ZNF845: variants seen among roughly 807,000 people sequenced by gnomAD.
The protein encoded by ZNF845 is zinc finger protein 845.
In ZNF845, 59 loss-of-function variants were observed where a neutral mutation model predicts 76.1. The ratio of observed to expected loss-of-function variants is 0.78; its 90% confidence interval spans 0.63 to 0.96. ZNF845 has a LOEUF of 0.96. ZNF845 is among the 40% of genes least tolerant of loss of function. The pLI, the probability that ZNF845 is intolerant of heterozygous loss-of-function variation, is 0.00. For synonymous variants in ZNF845, 361 were observed against 386.9 expected (o/e 0.93, Z 0.78); for missense variants, 1,045 against 1,172.8 (o/e 0.89, Z 1.59).
intron 2 of ZNF845, among the ~76,000 whole-genome samples, chr19:53,344,604 ATTTATTTTATTTTAT>A (rs61048596): frequency 6.3e-5 from 8 of 126,908 alleles, no homozygotes; most frequent in East Asian, 4.6e-4. Flanking sequence ...ATTTTATTTT[ATTTATTTTATTTTAT>A]TTTATTTTAT....
At position 53,352,734 on chromosome 19, in the gene ZNF845, G is replaced by A; in HGVS notation, c.2059G>A (p.Gly687Arg). ...YLTCHRRLHT[G>R]EKPYKCNECG... ...TACATGCCATCGTAGACTTCATACTGGAGAGAAACCTTACAAGTGTAATGA... is the reference window on the plus strand; with the variant it reads ...TACATGCCATCGTAGACTTCATACTAGAGAGAAACCTTACAAGTGTAATGA... The change falls in exon 4 of 4, where the codon GGA (glycine) becomes AGA (arginine). Residue 687 changes from glycine to arginine, a missense_variant. Physicochemically the swap from Gly to Arg is moderately radical, Grantham distance 125 (BLOSUM62 -2). Coordinates refer to ENST00000458035, the MANE Select transcript of ZNF845 (RefSeq NM_138374.3). The A allele has an allele frequency of 6.2e-7, 1 of 1,614,144 alleles. No individual in the cohort carries two copies. Among genetic ancestry groups the A allele is most frequent in the Non-Finnish European group, 8.5e-7 (1 of 1,180,016 alleles).
Position 53,351,791 on chromosome 19 carries a change from A to G in ZNF845, c.1116A>G (p.Arg372=). The G allele has an allele frequency of 2.5e-6, 4 of 1,613,770 alleles. No individual in the cohort carries two copies. Among genetic ancestry groups the G allele is most frequent in the Non-Finnish European group, 3.4e-6 (4 of 1,179,936 alleles). ...TCAGTTTCAAATCAAACCTTGAAAG[A>G]CATAGGAAAATTCATACTGGAGAGA... ...KAFSFKSNLE[R]HRKIHTGEKP... Residue 372 remains arginine (R), a synonymous_variant, in exon 4 of 4, where the codon AGA becomes AGG. Coordinates refer to ENST00000458035, the MANE Select transcript of ZNF845 (RefSeq NM_138374.3).
Position 53,353,640 on chromosome 19 carries a change from CAGG to C in ZNF845, c.*55_*57del, listed in dbSNP as rs2085363073. 1.3e-6 allele frequency: 2 copies of C among 1,523,818 alleles called. No individual in the cohort carries two copies. The highest frequency in any genetic ancestry group is 8.8e-7 in the Non-Finnish European group (1 of 1,137,308). 94.4% of individuals were successfully genotyped at this position (1,523,818 alleles called of 1,614,324 possible). On this transcript the variant is annotated 3_prime_UTR_variant, in exon 4 of 4. Coordinates refer to ENST00000458035, the MANE Select transcript of ZNF845 (RefSeq NM_138374.3). Reference sequence around the variant, plus strand: ...CAGTTGTAAATCAAGTCTTGAAAGACAGGAGAATTCATACTGGAGAGAAAGCTT... The same window carrying C: ...CAGTTGTAAATCAAGTCTTGAAAGACAGAATTCATACTGGAGAGAAAGCTT...
intron 2 of ZNF845, among the ~76,000 whole-genome samples, chr19:53,342,991 G>A (rs1044652133): frequency 6.6e-6 from 1 of 152,042 alleles, no homozygotes; most frequent in East Asian, 1.9e-4. Context: ...GCTAGTTTTT[G>A]TATTCTTACT....
Position 53,354,128 on chromosome 19 carries a change from C to T in ZNF845, c.*540C>T, listed in dbSNP as rs2085367090. On this transcript the variant is annotated 3_prime_UTR_variant, in exon 4 of 4. Transcript: ENST00000458035. ...GCAAAGCCTTTACTTCACGTTCACA[C>T]CTAATTAGACATCAGAGAATCCATA... 3 of 617,080 alleles carry T rather than the reference C, an allele frequency of 4.9e-6. No homozygotes were observed. The highest frequency in any genetic ancestry group is 2.8e-5 in the South Asian group (2 of 71,140). 38.2% of individuals were successfully genotyped at this position (617,080 alleles called of 1,614,324 possible).
chr19:53,345,161 C>T (rs960835418), intron 2 of ZNF845, among the ~76,000 whole-genome samples: 1 of 151,950 alleles, frequency 6.6e-6, no homozygotes, highest in Admixed American at 6.6e-5. Flanking sequence ...ACTAAAAATA[C>T]AAAAATTAGC....
chr19:53,348,233 A>T (rs2085309987), intron 3 of ZNF845, among the ~76,000 whole-genome samples: 1 of 152,092 alleles, frequency 6.6e-6, no homozygotes, highest in African/African-American at 2.4e-5. Context: ...ATGCCACTAC[A>T]CTACAGCCTG....
In ZNF845 at chr19:53,352,955, A is replaced by G. The variant is rs2085353816; in HGVS notation, c.2280A>G (p.Ser760=). Residue 760 remains serine, a synonymous_variant, in exon 4 of 4, where the codon TCA becomes TCG. Coordinates refer to ENST00000458035, the MANE Select transcript of ZNF845 (RefSeq NM_138374.3). Reference sequence around the variant, plus strand: ...GTGACAAAGTTTTCAGTCGCAAATCAAGCCTTGAAAAACACAGGAGAATTC... The same window carrying G: ...GTGACAAAGTTTTCAGTCGCAAATCGAGCCTTGAAAAACACAGGAGAATTC... The part of the protein sequence containing the change: ...EECDKVFSRK[S]SLEKHRRIHT... The G allele has an allele frequency of 1.9e-6, 3 of 1,614,056 alleles. No homozygotes were observed. Among genetic ancestry groups the G allele is most frequent in the Non-Finnish European group, 2.5e-6 (3 of 1,180,016 alleles).
At chr19:53,348,847 A>ATTT (rs565694028) in intron 3 of ZNF845, among the ~76,000 whole-genome samples, 990 of 96,636 alleles carry the variant, frequency 0.01, 1 homozygote, top group East Asian at 0.016. Context: ...TTGTTAGTCA[A>ATTT]TTTTTTTTTT....
chr19:53,336,726 A>G (rs2085218008), intron 1 of ZNF845, among the ~76,000 whole-genome samples: 1 of 142,828 alleles, frequency 7.0e-6, no homozygotes, highest in Admixed American at 7.5e-5. Context: ...TGAAAGATGC[A>G]TTTGCAGCAT....
intron 3 of ZNF845, chr19:53,346,275 C>T: frequency 3.1e-6 from 1 of 318,072 alleles, no homozygotes; most frequent in Middle Eastern, 4.3e-4. Flanking sequence ...TTTGTGTAGA[C>T]ATGCTTTGAC....
At chr19:53,349,735 C>T (rs767824433) in intron 3 of ZNF845, among the ~76,000 whole-genome samples, 25 of 152,132 alleles carry the variant, frequency 1.6e-4, no homozygotes, top group Non-Finnish European at 3.4e-4. Context: ...ACAGTCCACT[C>T]GTTAATGTCA....
chr19:53,351,446 T>G lies in ZNF845; in HGVS notation c.771T>G (p.Tyr257Ter), dbSNP rs1423854543. The change falls in exon 4 of 4, where the codon TAT becomes TAG. Residue 257 changes from tyrosine (Y) to a stop codon, truncating the protein, a stop_gained. Transcript: ENST00000458035. LOFTEE classifies it high-confidence loss of function. The stretch of plus-strand genomic sequence containing the variant: ...GCAAGGTCTTTAATCAAAAGCGATA[T>G]CTTGCATGTCATCGTAGATGTCACA... Reference protein sequence around the residue: ...VCGKVFNQKRYLACHRRCHTG... With the variant: ...VCGKVFNQKR The G allele has an allele frequency of 1.2e-6, 2 of 1,614,080 alleles. No individual in the cohort carries two copies. The highest frequency in any genetic ancestry group is 8.5e-7 in the Non-Finnish European group (1 of 1,180,036).
At chr19:53,346,002 C>T (rs1371902645) in intron 3 of ZNF845, among the ~76,000 whole-genome samples, 1 of 151,952 alleles carries the variant, frequency 6.6e-6, no homozygotes, top group Non-Finnish European at 1.5e-5. Context: ...AACCCCCATA[C>T]CTAATTATTG....
rs1215279341 is a variant in ZNF845, at chr19:53,355,225, A to G, written c.*1637A>G. ...CCGCACCCAGCCAGTGATTTTCTAT[A>G]TAGAATGTCGTATCATCTACAAGGA... On this transcript the variant is annotated 3_prime_UTR_variant, in exon 4 of 4. Coordinates refer to ENST00000458035, the MANE Select transcript of ZNF845 (RefSeq NM_138374.3). 3.3e-5 allele frequency: 5 copies of G among 151,674 alleles called. No homozygotes were observed. The highest frequency in any genetic ancestry group is 3.3e-4 in the Admixed American group (5 of 15,206). 9.4% of individuals were successfully genotyped at this position (151,674 alleles called of 1,614,324 possible). A position where few individuals can be genotyped will look rare whatever the true frequency, so the allele number is the denominator to read the frequency against.
intron 1 of ZNF845, among the ~76,000 whole-genome samples, chr19:53,335,838 A>G (rs1411917742): frequency 1.3e-5 from 2 of 151,874 alleles, no homozygotes; most frequent in African/African-American, 4.8e-5. Flanking sequence ...CCAACCTCAG[A>G]TGATCCACCC....
rs1292568444 is a variant in ZNF845, at chr19:53,355,979, A to AG, written c.*2392dup. 6.6e-6 allele frequency: 1 copy of AG among 152,200 alleles called. No individual in the cohort carries two copies. The highest frequency in any genetic ancestry group is 1.5e-5 in the Non-Finnish European group (1 of 68,028). The allele number at this position is 152,200 out of a possible 1,614,324, so 9.4% of individuals were successfully genotyped here. On this transcript the variant is annotated 3_prime_UTR_variant, in exon 4 of 4. Transcript: ENST00000458035. ...CCATCCTTGCATCCCATGAATAGGT[A>AG]GCACTTGGATGTTTACAATCCCTTT... is the stretch of plus-strand genomic sequence containing the variant.
At chr19:53,336,483 C>T (rs985922534) in intron 1 of ZNF845, among the ~76,000 whole-genome samples, 3 of 152,066 alleles carry the variant, frequency 2.0e-5, no homozygotes, top group South Asian at 2.1e-4. Flanking sequence ...GCACTGCAGC[C>T]TGGGGGGCAG....
intron 3 of ZNF845, among the ~76,000 whole-genome samples, chr19:53,347,486 A>G (rs1489275203): frequency 1.3e-5 from 2 of 149,564 alleles, no homozygotes; most frequent in East Asian, 2.0e-4. Context: ...TCACCGTGTT[A>G]GCCAGAAAGG....
Sources: allele counts gnomAD v4.1 joint callset (sites outside exome capture counted in the v4.1 genomes callset), GRCh38; gene constraint gnomAD v4.1.1; transcripts MANE v1.5; gene names NCBI Gene and HGNC (gene_info 2026-07-23, HGNC 2026-07-21).